Variants in RGS5 observed in about 807,000 individuals in gnomAD.
The protein encoded by RGS5 is regulator of G protein signaling 5, also known as regulator of G-protein signalling 5.
In RGS5, 20 loss-of-function variants were observed where a neutral mutation model predicts 18.9. The ratio of observed to expected loss-of-function variants is 1.06; its 90% CI spans 0.74 to 1.54. The LOEUF (loss-of-function observed/expected upper bound fraction) is 1.54, where lower values mean the gene tolerates loss of function less well. Ranked by LOEUF, RGS5 falls within the 40% of genes most tolerant of loss-of-function variation. RGS5 has a pLI of 0.00. For missense variants in RGS5, 201 were observed against 211.8 expected, an observed-to-expected ratio of 0.95 and a Z score of 0.32; for synonymous variants, 57 against 76.2, an observed-to-expected ratio of 0.75 and a Z score of 1.31.
chr1:163,320,283 G>A (rs1317947403), intron 1 of RGS5, among the ~76,000 whole-genome samples: 1 of 152,090 alleles, frequency 6.6e-6, no homozygotes, highest in Non-Finnish European at 1.5e-5. Flanking sequence ...CAAAATAACA[G>A]CTAATACTTT....
chr1:163,306,558 TG>T (rs1649704615), intron 1 of RGS5, among the ~76,000 whole-genome samples: 1 of 152,202 alleles, frequency 6.6e-6, no homozygotes, highest in Admixed American at 6.5e-5. Flanking sequence ...CCATGTTTTA[TG>T]GGTTGAATTG....
At chr1:163,258,361 T>C (rs937925) in intron 2 of RGS5, among the ~76,000 whole-genome samples, 10,019 of 152,218 alleles carry the variant, frequency 0.066, 367 homozygotes, top group Middle Eastern at 0.13. Flanking sequence ...CTGGAGTAAA[T>C]AGAAATGCTT....
chr1:163,217,768 G>A (rs1046198299), upstream of RGS5: 91 of 797,376 alleles, frequency 1.1e-4, no homozygotes, highest in African/African-American at 5.6e-4. Flanking sequence ...ACCATTGTGC[G>A]AAACTTCTGA....
chr1:163,249,561 C>T (rs1178964211), intron 2 of RGS5, among the ~76,000 whole-genome samples: 13 of 152,218 alleles, frequency 8.5e-5, no homozygotes, highest in Middle Eastern at 3.2e-3. Context: ...GAGGCCAAGG[C>T]GAGCGGATCA....
At chr1:163,236,429 T>C (rs1466481880) in intron 2 of RGS5, among the ~76,000 whole-genome samples, 2 of 151,980 alleles carry the variant, frequency 1.3e-5, no homozygotes, top group Non-Finnish European at 2.9e-5. Context: ...TCAAGGAAAA[T>C]TGTAACAAAT....
chr1:163,291,457 G>C (rs1649285726), intron 2 of RGS5, among the ~76,000 whole-genome samples: 1 of 152,164 alleles, frequency 6.6e-6, no homozygotes, highest in African/African-American at 2.4e-5. Flanking sequence ...TACCAGGCTA[G>C]GAAGGGAGAG....
intron 1 of RGS5, among the ~76,000 whole-genome samples, chr1:163,180,699 T>G (rs1355204166): frequency 1.5e-5 from 2 of 129,072 alleles, no homozygotes; most frequent in East Asian, 2.2e-4. Flanking sequence ...TTTTTTTTTT[T>G]TTTTTTTTTT....
intron 1 of RGS5, among the ~76,000 whole-genome samples, chr1:163,189,889 G>A (rs913400567): frequency 1.3e-5 from 2 of 152,186 alleles, no homozygotes; most frequent in African/African-American, 4.8e-5. Context: ...CCTCACTTAA[G>A]CTACAATGAA....
chr1:163,206,263 G>A (rs559525409), upstream of RGS5, among the ~76,000 whole-genome samples: 34 of 152,192 alleles, frequency 2.2e-4, no homozygotes, highest in African/African-American at 7.7e-4. Context: ...TTCCAGGGCT[G>A]TGAGAAATCA....
chr1:163,170,492 C>T (rs1236489622), intron 1 of RGS5, among the ~76,000 whole-genome samples: 1 of 152,058 alleles, frequency 6.6e-6, no homozygotes, highest in Non-Finnish European at 1.5e-5. Flanking sequence ...TGTACACATA[C>T]TTTCCTCATT....
upstream of RGS5, among the ~76,000 whole-genome samples, chr1:163,204,111 A>G (rs996329915): frequency 1.6e-4 from 25 of 152,184 alleles, no homozygotes; most frequent in Non-Finnish European, 2.9e-5. Flanking sequence ...TGTAAAGTCA[A>G]TGCAGTGCAT....
chr1:163,280,534 A>T (rs1648965879), intron 2 of RGS5, among the ~76,000 whole-genome samples: 3 of 152,168 alleles, frequency 2.0e-5, no homozygotes, highest in South Asian at 4.1e-4. Flanking sequence ...GCTTTAAAAA[A>T]TACCAAGAAA....
chr1:163,310,402 A>G (rs1382936163), intron 1 of RGS5, among the ~76,000 whole-genome samples: 3 of 150,788 alleles, frequency 2.0e-5, no homozygotes, highest in Non-Finnish European at 4.4e-5. Flanking sequence ...GTGAAACCCC[A>G]TCTCTACTAA....
chr1:163,187,788 C>A (rs1354841351), intron 1 of RGS5, among the ~76,000 whole-genome samples: 1 of 152,076 alleles, frequency 6.6e-6, no homozygotes, highest in East Asian at 1.9e-4. Flanking sequence ...GTTCTGTGAG[C>A]CACTCCCGCA....
At chr1:163,288,661 T>C (rs1391253902) in intron 2 of RGS5, among the ~76,000 whole-genome samples, 5 of 152,162 alleles carry the variant, frequency 3.3e-5, no homozygotes, top group African/African-American at 1.2e-4. Context: ...TTATAACCTT[T>C]TAGTGATCTC....
intron 1 of RGS5, among the ~76,000 whole-genome samples, chr1:163,194,703 A>T (rs1294150505): frequency 6.7e-6 from 1 of 150,018 alleles, no homozygotes; most frequent in East Asian, 1.9e-4. Context: ...TGACTGAGAG[A>T]GATATAAGAT....
intron 1 of RGS5, among the ~76,000 whole-genome samples, chr1:163,310,959 C>T (rs909606933): frequency 6.6e-6 from 1 of 152,144 alleles, no homozygotes; most frequent in Non-Finnish European, 1.5e-5. Flanking sequence ...CTTATAAAAC[C>T]GTCAGATCTC....
At chr1:163,291,263 A>G (rs1649278280) in intron 2 of RGS5, among the ~76,000 whole-genome samples, 1 of 152,202 alleles carries the variant, frequency 6.6e-6, no homozygotes. Flanking sequence ...TAACAGTGAG[A>G]AAATTATGGC....
chr1:163,156,878 C>T (rs1227686355), intron 3 of RGS5, among the ~76,000 whole-genome samples: 2 of 152,074 alleles, frequency 1.3e-5, no homozygotes, highest in African/African-American at 4.8e-5. Flanking sequence ...ATGCAAAGTG[C>T]TTAGAACAGT....
Sources: allele counts gnomAD v4.1 joint callset (sites outside exome capture counted in the v4.1 genomes callset), GRCh38; gene constraint gnomAD v4.1.1; transcripts MANE v1.5; gene names NCBI Gene and HGNC (gene_info 2026-07-23, HGNC 2026-07-21).